The following TRAPPC9 variants were observed in gnomAD, a reference collection of about 807,000 sequenced individuals.
TRAPPC9 encodes IKK2 binding protein.
In TRAPPC9, 83 loss-of-function variants were observed where a neutral mutation model predicts 124.0. The ratio of observed to expected loss-of-function variants is 0.67; its 90% confidence interval spans 0.56 to 0.80. The LOEUF (loss-of-function observed/expected upper bound fraction) is 0.80, where lower values mean the gene tolerates loss of function less well. TRAPPC9 is among the 30% of genes least tolerant of loss of function. The pLI, the probability that TRAPPC9 is intolerant of heterozygous loss-of-function variation, is 0.00. For synonymous variants in TRAPPC9, 638 were observed against 617.5 expected, an observed-to-expected ratio of 1.03 and a Z score of -0.49; for missense variants, 1,302 against 1,508.3, an observed-to-expected ratio of 0.86 and a Z score of 2.27.
chr8:139,755,479 C>G (rs71514648), intron 21 of TRAPPC9, among the ~76,000 whole-genome samples: 282 of 59,378 alleles, frequency 4.7e-3, no homozygotes, highest in Middle Eastern at 0.016. Flanking sequence ...ACAGCAGGTC[C>G]CAGGAGGAGC....
chr8:139,754,763 C>T (rs1298807901), intron 21 of TRAPPC9, among the ~76,000 whole-genome samples: 1 of 152,250 alleles, frequency 6.6e-6, no homozygotes, highest in Admixed American at 6.5e-5. Context: ...GTGTCACAAG[C>T]TGAACAGCAC....
At chr8:140,032,894 G>A (rs1054698993) in intron 17 of TRAPPC9, among the ~76,000 whole-genome samples, 2 of 152,136 alleles carry the variant, frequency 1.3e-5, no homozygotes, top group Non-Finnish European at 2.9e-5. Flanking sequence ...TGAAAACAGG[G>A]TATATTGTTC....
chr8:139,906,468 G>C (rs1158604727), intron 20 of TRAPPC9, among the ~76,000 whole-genome samples: 1 of 152,144 alleles, frequency 6.6e-6, no homozygotes, highest in Non-Finnish European at 1.5e-5. Context: ...TCACACGTGG[G>C]GTCTGAGGGA....
chr8:140,428,213 T>A (rs1438318340), intron 4 of TRAPPC9, among the ~76,000 whole-genome samples: 1 of 152,210 alleles, frequency 6.6e-6, no homozygotes, highest in African/African-American at 2.4e-5. Flanking sequence ...AGAGTTATTA[T>A]CACAATCATC....
At chr8:140,195,251 A>G (rs1421028713) in intron 17 of TRAPPC9, among the ~76,000 whole-genome samples, 2 of 152,076 alleles carry the variant, frequency 1.3e-5, no homozygotes, top group African/African-American at 4.8e-5. Flanking sequence ...TGTGACACTA[A>G]AACACACAAC....
chr8:139,977,517 C>T (rs1232388431), intron 19 of TRAPPC9, among the ~76,000 whole-genome samples: 1 of 150,760 alleles, frequency 6.6e-6, no homozygotes, highest in East Asian at 2.0e-4. Flanking sequence ...ACTCTGGAGG[C>T]TGAGGCAGGA....
chr8:140,271,351 A>C (rs1412574868), intron 15 of TRAPPC9, among the ~76,000 whole-genome samples: 1 of 152,254 alleles, frequency 6.6e-6, no homozygotes, highest in Non-Finnish European at 1.5e-5. Flanking sequence ...TTTAAAAGAA[A>C]AAATGATTAA....
intron 19 of TRAPPC9, among the ~76,000 whole-genome samples, chr8:139,964,437 G>A (rs548773682): frequency 5.9e-5 from 9 of 152,106 alleles, no homozygotes; most frequent in East Asian, 5.8e-4. Context: ...AGAATCCTCC[G>A]CCTTGGAGAA....
Position 139,730,957 on chromosome 8 carries a change from G to T in TRAPPC9, c.*104C>A. 3 of 1,281,244 alleles carry T rather than the reference G, an allele frequency of 2.3e-6. No individual in the cohort carries two copies. The highest frequency in any genetic ancestry group is 2.2e-6 in the Non-Finnish European group (2 of 923,132). 79.4% of individuals were successfully genotyped at this position (1,281,244 alleles called of 1,614,324 possible). ...GGCTGGGAGGGGTCTGGGGGAGGAG[G>T]AGGAGATGGGGCTGCAGTGAAGGCC... On this transcript the variant is annotated 3_prime_UTR_variant, in exon 23 of 23. Coordinates refer to ENST00000438773, the MANE Select transcript of TRAPPC9 (RefSeq NM_001160372.4).
chr8:139,737,098 C>A (rs1225026456), intron 21 of TRAPPC9, among the ~76,000 whole-genome samples: 1 of 152,214 alleles, frequency 6.6e-6, no homozygotes. Context: ...CACGTGAAAG[C>A]GCGGGTGCTG....
At chr8:140,388,961 T>A (rs574327115) in intron 7 of TRAPPC9, among the ~76,000 whole-genome samples, 1 of 148,610 alleles carries the variant, frequency 6.7e-6, no homozygotes, top group South Asian at 2.2e-4. Context: ...ACTGTCTTTT[T>A]TTTTTTTTTT....
At chr8:140,112,206 G>A (rs1000147314) in intron 17 of TRAPPC9, among the ~76,000 whole-genome samples, 2 of 152,104 alleles carry the variant, frequency 1.3e-5, no homozygotes, top group East Asian at 1.9e-4. Context: ...AATTCCAGAC[G>A]ATGGTGGGAC....
At chr8:140,275,233 G>A (rs3923910) in intron 15 of TRAPPC9, among the ~76,000 whole-genome samples, 41,303 of 152,124 alleles carry the variant, frequency 0.27, 6,530 homozygotes, top group Non-Finnish European at 0.35. Flanking sequence ...CCAAACTTCA[G>A]CACAGGTCCC....
chr8:140,235,579 C>T (rs1047150868), intron 16 of TRAPPC9, among the ~76,000 whole-genome samples: 2 of 152,160 alleles, frequency 1.3e-5, no homozygotes, highest in African/African-American at 4.8e-5. Context: ...CAAGTTAATA[C>T]CACAGTGAGA....
intron 9 of TRAPPC9, among the ~76,000 whole-genome samples, chr8:140,325,289 T>C (rs921559237): frequency 5.9e-5 from 9 of 152,014 alleles, no homozygotes; most frequent in Admixed American, 2.6e-4. Flanking sequence ...CTGTAGAAGC[T>C]AGAAAAAGAC....
chr8:140,275,590 T>C, intron 15 of TRAPPC9, 68 bp downstream of exon 15: 1 of 1,528,538 alleles, frequency 6.5e-7, no homozygotes, highest in Admixed American at 1.7e-5. Context: ...AACTGAGAAT[T>C]TAAAGTATCT....
At chr8:139,736,749 G>C (rs546595811) in intron 21 of TRAPPC9, among the ~76,000 whole-genome samples, 9 of 152,292 alleles carry the variant, frequency 5.9e-5, no homozygotes, top group African/African-American at 1.9e-4. Flanking sequence ...GGCTGTGCCC[G>C]GGTAGGATTC....
At chr8:140,094,598 G>A (rs963377513) in intron 17 of TRAPPC9, among the ~76,000 whole-genome samples, 9 of 152,196 alleles carry the variant, frequency 5.9e-5, no homozygotes, top group African/African-American at 1.2e-4. Flanking sequence ...ACAGCTACTC[G>A]GAGAGGCAGC....
chr8:140,215,023 C>G lies in TRAPPC9; in HGVS notation c.2556+6436G>C, dbSNP rs148905946. Among the ~76,000 whole-genome samples the G allele has an allele frequency of 9.4e-4, 143 of 152,300 alleles. 1 individual carries two copies. In the East Asian group the frequency reaches 0.026, roughly 28 times the overall value. ...AAGCTCATGGTGCCAGATGCCCCTA[C>G]AGCAATAGATGTCCCCACAGACAGC... is the stretch of plus-strand genomic sequence containing the variant. On this transcript the variant is annotated intron_variant, in intron 17 of 22. Transcript: ENST00000438773.
Sources: allele counts gnomAD v4.1 joint callset (sites outside exome capture counted in the v4.1 genomes callset), GRCh38; gene constraint gnomAD v4.1.1; transcripts MANE v1.5; gene names NCBI Gene and HGNC (gene_info 2026-07-23, HGNC 2026-07-21).